Variants in CFDP1 observed in about 807,000 individuals in gnomAD.
CFDP1 encodes the protein heterochromatin-stabilizing protein CFDP1.
Under a neutral mutation model 40.1 loss-of-function variants are expected in CFDP1, and 31 were observed. The ratio of observed to expected loss-of-function variants is 0.77; its 90% confidence interval spans 0.58 to 1.04. The LOEUF is 1.04. Ranked by LOEUF, CFDP1 falls within the 50% of genes least tolerant of loss-of-function variation. CFDP1 has a pLI of 0.00. For missense variants in CFDP1, 423 were observed against 343.4 expected (o/e 1.23, Z -1.83); for synonymous variants, 167 against 120.0 (o/e 1.39, Z -2.56).
In CFDP1 at chr16:75,433,465, G is replaced by A. The variant is rs1555569661; in HGVS notation, c.-113C>T. 3 of 945,620 alleles carry A rather than the reference G, an allele frequency of 3.2e-6. No homozygotes were observed. The highest frequency in any genetic ancestry group is 4.9e-6 in the Non-Finnish European group (3 of 615,624). The allele number at this position is 945,620 out of a possible 1,614,324, so 58.6% of individuals were successfully genotyped here. ...GGCGGCGGCGACGGCAGCTAGGGCGGCCCCCGACAGCGCTTTGCACATGCG... is the reference window on the plus strand; with the variant it reads ...GGCGGCGGCGACGGCAGCTAGGGCGACCCCCGACAGCGCTTTGCACATGCG... On this transcript the variant is annotated 5_prime_UTR_variant, in exon 1 of 7. Coordinates refer to ENST00000283882, the MANE Select transcript of CFDP1 (RefSeq NM_006324.3).
chr16:75,379,740 G>A (rs975411148), intron 5 of CFDP1: 1 of 152,086 alleles, frequency 6.6e-6, no homozygotes, highest in East Asian at 1.9e-4. Context: ...GTACCATAGG[G>A]GGAAACTGGG....
intron 5 of CFDP1, among the ~76,000 whole-genome samples, chr16:75,362,155 C>A (rs1357865459): frequency 6.6e-6 from 1 of 152,212 alleles, no homozygotes; most frequent in Non-Finnish European, 1.5e-5. Flanking sequence ...TGGGTCAGTA[C>A]TGTCATTTCC....
At chr16:75,350,117 G>A (rs578011623) in intron 5 of CFDP1, among the ~76,000 whole-genome samples, 55 of 152,102 alleles carry the variant, frequency 3.6e-4, no homozygotes, top group Non-Finnish European at 6.8e-4. Flanking sequence ...TCTACTGTTT[G>A]GACATACATT....
At chr16:75,384,310 G>A (rs1443418954) in intron 5 of CFDP1, among the ~76,000 whole-genome samples, 1 of 152,030 alleles carries the variant, frequency 6.6e-6, no homozygotes, top group South Asian at 2.1e-4. Flanking sequence ...TGAGCCGAGC[G>A]AGATAGCACC....
intron 6 of CFDP1, chr16:75,301,677 G>C (rs905579744): frequency 6.6e-6 from 1 of 151,108 alleles, no homozygotes; most frequent in Non-Finnish European, 1.5e-5. Flanking sequence ...TGAACCTGTG[G>C]TCTAGTGATT....
At chr16:75,354,889 T>C (rs2078636327) in intron 5 of CFDP1, among the ~76,000 whole-genome samples, 1 of 152,168 alleles carries the variant, frequency 6.6e-6, no homozygotes, top group Admixed American at 6.5e-5. Flanking sequence ...GATGTTAACA[T>C]CAGAGAAAGC....
chr16:75,346,143 A>G (rs1437893591), intron 5 of CFDP1, among the ~76,000 whole-genome samples: 1 of 152,216 alleles, frequency 6.6e-6, no homozygotes. Flanking sequence ...GTTTACTAGC[A>G]CATGTGAAGT....
intron 5 of CFDP1, among the ~76,000 whole-genome samples, chr16:75,351,038 TA>T (rs1238155898): frequency 3.3e-5 from 5 of 152,138 alleles, no homozygotes; most frequent in Admixed American, 1.3e-4. Context: ...CAAGCCAATT[TA>T]AACCATTTGT....
intron 1 of CFDP1, among the ~76,000 whole-genome samples, chr16:75,415,397 C>T (rs550119145): frequency 2.0e-5 from 3 of 152,248 alleles, no homozygotes; most frequent in Non-Finnish European, 2.9e-5. Context: ...CCAAAAAGCA[C>T]ACAAATCTAA....
rs779138930 is a variant in CFDP1 at position 75,371,909 on chromosome 16, C to T, written c.650+23181G>A. On this transcript the variant is annotated intron_variant, in intron 5 of 6. Coordinates refer to ENST00000283882, the MANE Select transcript of CFDP1 (RefSeq NM_006324.3). ...ATACGAACTAGTAAGTGAAGATCAACCTTGTTATTTAAAATAGGGAAAAGG... is the reference window on the plus strand; with the variant it reads ...ATACGAACTAGTAAGTGAAGATCAATCTTGTTATTTAAAATAGGGAAAAGG... 2.6e-5 allele frequency among the ~76,000 whole-genome samples: 4 copies of T among 152,100 alleles called. 1 individual carries two copies. Among genetic ancestry groups the T allele is most frequent in the Non-Finnish European group, 2.9e-5 (2 of 68,024 alleles).
At chr16:75,381,768 G>C (rs1184443936) in intron 5 of CFDP1, among the ~76,000 whole-genome samples, 2 of 152,176 alleles carry the variant, frequency 1.3e-5, no homozygotes, top group African/African-American at 4.8e-5. Context: ...CTTGCAAGCA[G>C]CAAGAGATAT....
At chr16:75,405,028 G>C (rs527377076) in intron 4 of CFDP1, among the ~76,000 whole-genome samples, 1 of 152,314 alleles carries the variant, frequency 6.6e-6, no homozygotes, top group African/African-American at 2.4e-5. Context: ...ATTGGTCCAA[G>C]ATGAGATGGG....
intron 5 of CFDP1, among the ~76,000 whole-genome samples, chr16:75,320,845 T>G (rs2078358046): frequency 6.6e-6 from 1 of 152,204 alleles, no homozygotes. Context: ...AAACATGACC[T>G]GAGTCACACC....
chr16:75,356,563 T>C (rs968102040), intron 5 of CFDP1, among the ~76,000 whole-genome samples: 6 of 152,172 alleles, frequency 3.9e-5, no homozygotes, highest in African/African-American at 1.4e-4. Context: ...CTAGGATTTT[T>C]AGAATGGCAA....
chr16:75,351,961 T>C (rs550738327), intron 5 of CFDP1, among the ~76,000 whole-genome samples: 68 of 139,566 alleles, frequency 4.9e-4, no homozygotes, highest in Admixed American at 1.3e-3. Context: ...TAAGCCAAGA[T>C]TGCGCTACTG....
intron 1 of CFDP1, chr16:75,419,286 A>T (rs888408905): frequency 2.6e-5 from 4 of 155,886 alleles, no homozygotes; most frequent in South Asian, 3.6e-4. Context: ...AGAAAAAAAA[A>T]TTTGTACCAT....
intron 4 of CFDP1, among the ~76,000 whole-genome samples, chr16:75,399,593 G>A (rs1303515009): frequency 6.6e-6 from 1 of 152,046 alleles, no homozygotes; most frequent in Non-Finnish European, 1.5e-5. Flanking sequence ...TGCCTGGGCT[G>A]GATTCAAACT....
intron 5 of CFDP1, among the ~76,000 whole-genome samples, chr16:75,354,218 G>C (rs1202402751): frequency 6.6e-6 from 1 of 152,112 alleles, no homozygotes; most frequent in African/African-American, 2.4e-5. Context: ...TGGTAGGTTG[G>C]GTGAATTAAA....
intron 1 of CFDP1, among the ~76,000 whole-genome samples, chr16:75,420,608 C>T (rs1404278799): frequency 3.3e-5 from 5 of 152,154 alleles, no homozygotes; most frequent in Non-Finnish European, 7.3e-5. Context: ...GTGATTTGGA[C>T]ACACAAGCTA....
Sources: gnomAD v4.1 joint callset for allele counts (sites outside exome capture counted in the v4.1 genomes callset) on GRCh38, gnomAD v4.1.1 for gene constraint, MANE v1.5 for transcripts, NCBI Gene and HGNC (gene_info 2026-07-23, HGNC 2026-07-21) for gene names.